The following PADI3 variants were observed in gnomAD, a reference collection of about 807,000 sequenced individuals.
The protein encoded by PADI3 is protein-arginine deiminase type-3.
In PADI3, 53 loss-of-function variants were observed where a neutral mutation model predicts 71.5. That is an observed-to-expected ratio of 0.74 (90% confidence interval 0.59 to 0.93). The LOEUF is 0.93. Among genes scored for constraint, PADI3 ranks in the 40% least tolerant of loss-of-function variants. The probability of loss-of-function intolerance (pLI) is 0.00; values close to 1 mark genes in which losing one functional copy is unlikely to be tolerated. For synonymous variants in PADI3, 361 were observed against 347.5 expected (o/e 1.04, Z -0.43); for missense variants, 821 against 868.0 (o/e 0.95, Z 0.68).
chr1:17,273,466 A>T lies in PADI3; in HGVS notation c.1155+19A>T. The T allele has an allele frequency of 1.3e-6, 2 of 1,560,220 alleles. No homozygotes were observed. The highest frequency in any genetic ancestry group is 2.7e-5 in the African/African-American group (2 of 74,002). ...AATCCTGGTGAGTGGTCCCGGCCGC[A>T]GCCCACCCCTGAGAGCTGAGAGGCC... On this transcript the variant is annotated intron_variant, in intron 10 of 15. Coordinates refer to ENST00000375460, the MANE Select transcript of PADI3 (RefSeq NM_016233.2).
At chr1:17,265,591 C>G in intron 3 of PADI3, 68 bp from the exon 4 acceptor site, 1 of 1,413,672 alleles carries the variant, frequency 7.1e-7, no homozygotes, top group South Asian at 1.2e-5. Flanking sequence ...CAGACAAGCC[C>G]TGAGATCAAG....
chr1:17,274,783 C>T lies in PADI3; in HGVS notation c.1304C>T (p.Pro435Leu), dbSNP rs757666930. ...LGRILIGGNL[P>L]GSSGRRVTQV... The stretch of plus-strand genomic sequence containing the variant: ...AGGATCCTCATTGGGGGCAACCTGC[C>T]TGGGTGAGAGAGAGACAGGGAATGG... The change falls in exon 11 of 16, where the codon CCT (proline) becomes CTT (leucine). Residue 435 changes from proline to leucine, a missense_variant. Coordinates refer to ENST00000375460, the MANE Select transcript of PADI3 (RefSeq NM_016233.2). 1.2e-6 allele frequency: 2 copies of T among 1,613,102 alleles called. No individual in the cohort carries two copies. Among genetic ancestry groups the T allele is most frequent in the South Asian group, 1.1e-5 (1 of 90,964 alleles).
chr1:17,252,255 A>G (rs6673643), intron 1 of PADI3, among the ~76,000 whole-genome samples: 76,361 of 151,874 alleles, frequency 0.5, 19,733 homozygotes, highest in African/African-American at 0.62. Flanking sequence ...CCACAGGGCT[A>G]TAGGGCTTGA....
intron 11 of PADI3, among the ~76,000 whole-genome samples, chr1:17,275,308 G>A (rs2073313680): frequency 6.6e-6 from 1 of 151,380 alleles, no homozygotes; most frequent in African/African-American, 2.4e-5. Context: ...GTGGTGGCAG[G>A]CGCCTGTAGT....
intron 13 of PADI3, among the ~76,000 whole-genome samples, chr1:17,279,883 G>T (rs751010848): frequency 1.3e-5 from 2 of 152,148 alleles, no homozygotes; most frequent in African/African-American, 4.8e-5. Flanking sequence ...CCCATTTCAC[G>T]CAGTCACCCC....
chr1:17,249,189 G>A lies in PADI3; in HGVS notation c.52G>A (p.Val18Met), dbSNP rs771035109. The A allele has an allele frequency of 1.2e-6, 2 of 1,614,054 alleles. No individual in the cohort carries two copies. The highest frequency in any genetic ancestry group is 1.7e-5 in the Admixed American group (1 of 59,998). ...RVSLEHPTSA[V>M]CVAGVETLVD... is the part of the protein sequence containing the mutation. ...GTCCCTGGAGCATCCCACCAGCGCG[G>A]TGTGTGTGGCTGGCGTGGAGACCCT... The change falls in exon 1 of 16, where the codon GTG (valine) becomes ATG (methionine). Residue 18 changes from valine (V) to methionine (M), a missense_variant. Physicochemically the swap from Val to Met is conservative, Grantham distance 21. Coordinates refer to ENST00000375460, the MANE Select transcript of PADI3 (RefSeq NM_016233.2).
rs528253540 is a variant in PADI3, at chr1:17,282,969, A to G, written c.1885A>G (p.Thr629Ala). The G allele has an allele frequency of 3.0e-5, 48 of 1,614,152 alleles. No homozygotes were observed. The South Asian group carries it at 4.7e-4, about 16-fold the overall frequency. ...GCTGGAGCCGCTGGGCCTCCACTGC[A>G]CCTTCATTGATGACTTCACTCCATA... ...SLLEPLGLHC[T>A]FIDDFTPYHM... Residue 629 changes from threonine (T) to alanine (A), a missense_variant, in exon 16 of 16, where the codon ACC (threonine) becomes GCC (alanine). Physicochemically the swap from Thr to Ala is moderately conservative, Grantham distance 58 (BLOSUM62 0). Coordinates refer to ENST00000375460, the MANE Select transcript of PADI3 (RefSeq NM_016233.2).
rs775895598 is a variant in PADI3, at chr1:17,262,192, C to T, written c.333C>T (p.Tyr111=). The T allele has an allele frequency of 1.2e-6, 2 of 1,610,126 alleles. No homozygotes were observed. The highest frequency in any genetic ancestry group is 8.5e-7 in the Non-Finnish European group (1 of 1,178,884). ...EPLPLAYAVL[Y]LTCVDISLDC... is the part of the protein sequence containing the mutation. ...TGCCCCTGGCCTATGCGGTGCTCTA[C>T]CTCACCTGTGTTGGTAAGTTGGGGG... is the stretch of plus-strand genomic sequence containing the variant. Residue 111 remains tyrosine (Y), a synonymous_variant, in exon 3 of 16, where the codon TAC becomes TAT. Transcript: ENST00000375460.
At chr1:17,249,290 C>A in intron 1 of PADI3, 61 bp downstream of exon 1, 2 of 1,382,424 alleles carry the variant, frequency 1.4e-6, no homozygotes, top group South Asian at 2.3e-5. Flanking sequence ...GGACCTTCCT[C>A]CCTGCAGGCT....
At chr1:17,280,522 C>T in intron 14 of PADI3, 93 bp downstream of exon 14, 1 of 1,487,712 alleles carries the variant, frequency 6.7e-7, no homozygotes, top group Non-Finnish European at 9.4e-7. Flanking sequence ...GCTAACTGTT[C>T]ATGAAAGCTC....
intron 3 of PADI3, among the ~76,000 whole-genome samples, chr1:17,264,953 G>C (rs1174613384): frequency 6.6e-6 from 1 of 150,442 alleles, no homozygotes; most frequent in African/African-American, 2.5e-5. Flanking sequence ...AGGTTGCAGT[G>C]AGCCATGATC....
intron 1 of PADI3, among the ~76,000 whole-genome samples, chr1:17,256,509 C>A (rs1180636567): frequency 6.6e-6 from 1 of 152,118 alleles, no homozygotes; most frequent in East Asian, 1.9e-4. Context: ...GTCCTGGGGA[C>A]CCTCCTGGGC....
chr1:17,273,530 G>T, intron 10 of PADI3, 83 bp downstream of exon 10: 1 of 812,560 alleles, frequency 1.2e-6, no homozygotes. Flanking sequence ...GGTACAGAGG[G>T]CAGCAGTGGG....
intron 13 of PADI3, among the ~76,000 whole-genome samples, chr1:17,278,835 T>C (rs951228265): frequency 2.6e-5 from 4 of 152,162 alleles, no homozygotes; most frequent in African/African-American, 9.7e-5. Flanking sequence ...CTGTAGAACT[T>C]AGACGCCCCC....
intron 9 of PADI3, 26 bp from the exon 10 acceptor site, chr1:17,273,297 TGACTGTCACAGCTGTGC>T (rs1295338204): frequency 1.4e-6 from 2 of 1,462,044 alleles, no homozygotes; most frequent in African/African-American, 2.8e-5. Flanking sequence ...GGGCAGCTGT[TGACTGTCACAGCTGTGC>T]GTCTCTCGCC....
chr1:17,271,045 T>C (rs1457066397), intron 8 of PADI3, 22 bp from the exon 9 acceptor site: 3 of 1,613,776 alleles, frequency 1.9e-6, no homozygotes, highest in African/African-American at 2.7e-5. Context: ...CCTGAGCCCC[T>C]CTTCCCTGGG....
intron 9 of PADI3, among the ~76,000 whole-genome samples, chr1:17,272,189 T>C (rs16824705): frequency 0.08 from 12,234 of 152,272 alleles, 511 homozygotes; most frequent in Non-Finnish European, 0.099. Context: ...AGCACCAGGC[T>C]GTACAGGTTG....
intron 3 of PADI3, among the ~76,000 whole-genome samples, chr1:17,264,213 G>A (rs1299578396): frequency 6.6e-6 from 1 of 152,116 alleles, no homozygotes; most frequent in East Asian, 1.9e-4. Flanking sequence ...AGTTAGGAGT[G>A]AGGTTGGGCA....
At chr1:17,259,023 G>A (rs926365800) in intron 1 of PADI3, among the ~76,000 whole-genome samples, 1 of 152,190 alleles carries the variant, frequency 6.6e-6, no homozygotes, top group African/African-American at 2.4e-5. Flanking sequence ...AACTCACAAG[G>A]GAAATGTTAA....
Sources: allele counts gnomAD v4.1 joint callset (sites outside exome capture counted in the v4.1 genomes callset), GRCh38; gene constraint gnomAD v4.1.1; transcripts MANE v1.5; gene names NCBI Gene and HGNC (gene_info 2026-07-23, HGNC 2026-07-21).